ITGB5: variants seen among roughly 807,000 people sequenced by gnomAD.
ITGB5 encodes the protein integrin subunit beta 5, also known as integrin beta-5.
A neutral mutation model predicts 84.8 loss-of-function variants in ITGB5; 38 were observed. The ratio of observed to expected loss-of-function variants is 0.45; its 90% CI spans 0.35 to 0.59. The LOEUF (loss-of-function observed/expected upper bound fraction) is 0.59, where lower values mean the gene tolerates loss of function less well. Ranked by LOEUF, ITGB5 falls within the 20% of genes least tolerant of loss-of-function variation. ITGB5 has a pLI of 0.01. For synonymous variants in ITGB5, 393 were observed against 414.4 expected (o/e 0.95, Z 0.63); for missense variants, 905 against 1,034.5 (o/e 0.87, Z 1.72).
intron 9 of ITGB5, 143 bp from the exon 10 acceptor site, chr3:124,796,960 G>A: frequency 5.4e-6 from 4 of 734,700 alleles, no homozygotes; most frequent in East Asian, 2.7e-5. Context: ...GATGGCCGGA[G>A]TAGGAAGAGA....
chr3:124,869,678 G>C (rs1261989732), intron 2 of ITGB5, among the ~76,000 whole-genome samples: 1 of 152,232 alleles, frequency 6.6e-6, no homozygotes, highest in African/African-American at 2.4e-5. Context: ...AAGATGGGAA[G>C]CTGCATTCCA....
intron 6 of ITGB5, 124 bp downstream of exon 6, chr3:124,821,189 G>C (rs2064695967): frequency 9.4e-7 from 1 of 1,058,242 alleles, no homozygotes; most frequent in Non-Finnish European, 1.4e-6. Context: ...ACCCCAAGAA[G>C]GGATCAGAAA....
chr3:124,769,295 T>G (rs1381767084), intron 11 of ITGB5, 182 bp from the exon 12 acceptor site: 7 of 574,464 alleles, frequency 1.2e-5, no homozygotes, highest in Non-Finnish European at 2.2e-5. Flanking sequence ...GCCCAAGGGT[T>G]CTTGGAGGAG....
At chr3:124,889,809 T>C (rs79606234), upstream of ITGB5, among the ~76,000 whole-genome samples, 3,538 of 152,222 alleles carry the variant, frequency 0.023, 57 homozygotes, top group Non-Finnish European at 0.034. Flanking sequence ...AGGCCAAAGT[T>C]CGAGATGAGC....
At chr3:124,809,285 T>C in intron 8 of ITGB5, 129 bp from the exon 9 acceptor site, 1 of 945,604 alleles carries the variant, frequency 1.1e-6, no homozygotes, top group Non-Finnish European at 1.6e-6. Flanking sequence ...GAAGAGCCAG[T>C]GAGCTTGGTT....
At chr3:124,787,995 C>T (rs2064106520) in intron 10 of ITGB5, among the ~76,000 whole-genome samples, 1 of 151,338 alleles carries the variant, frequency 6.6e-6, no homozygotes, top group Admixed American at 6.6e-5. Flanking sequence ...GCAACCTCCA[C>T]CTTCTGGGCT....
chr3:124,781,112 T>C lies in ITGB5; in HGVS notation c.1694-7200A>G, dbSNP rs17203572. The C allele has an allele frequency of 6.4e-3, 975 of 152,350 alleles. 2 individuals are homozygous for C. The highest frequency in any genetic ancestry group is 9.9e-3 in the Non-Finnish European group (676 of 68,080). The allele number at this position is 152,350 out of a possible 1,614,324, so 9.4% of individuals were successfully genotyped here. A position where few individuals can be genotyped will look rare whatever the true frequency, so the allele number is the denominator to read the frequency against. ...AGATTACAAAGTGCGGAATGCGCAG[T>C]GGCTGGGGAGAGCTCGGTGACAGAC... On this transcript the variant is annotated intron_variant, in intron 10 of 14. Transcript: ENST00000296181.
chr3:124,840,104 G>T (rs188880495), intron 5 of ITGB5, among the ~76,000 whole-genome samples: 4 of 152,328 alleles, frequency 2.6e-5, no homozygotes, highest in African/African-American at 9.6e-5. Context: ...GGATTGAGTG[G>T]AGAGGAAACA....
intron 13 of ITGB5, among the ~76,000 whole-genome samples, chr3:124,764,923 T>C (rs1306416827): frequency 3.3e-5 from 5 of 151,602 alleles, no homozygotes; most frequent in Non-Finnish European, 7.4e-5. Context: ...GGAGGTACCA[T>C]GAAGCCACAT....
In ITGB5 at chr3:124,771,748, C is replaced by CAAAA. The variant is rs59189728; in HGVS notation, c.1916+1938_1916+1941dup. 3.0e-4 allele frequency among the ~76,000 whole-genome samples: 21 copies of CAAAA among 69,178 alleles called. 1 individual carries two copies. The highest frequency in any genetic ancestry group is 1.3e-3 in the East Asian group (3 of 2,230). 45.4% of individuals were successfully genotyped at this position (69,178 alleles called of 152,430 possible). A position where few individuals can be genotyped will look rare whatever the true frequency, so the allele number is the denominator to read the frequency against. On this transcript the variant is annotated intron_variant, in intron 11 of 14. Transcript: ENST00000296181. ...GGGTGGCGGGAGTGAGACCCTGTCTCAAAAAAAAAAAAAAAAAAAGGAATC... is the reference window on the plus strand; with the variant it reads ...GGGTGGCGGGAGTGAGACCCTGTCTCAAAAAAAAAAAAAAAAAAAAAAAGGAATC...
intron 3 of ITGB5, among the ~76,000 whole-genome samples, chr3:124,851,183 A>G (rs1579294458): frequency 6.6e-6 from 1 of 152,238 alleles, no homozygotes; most frequent in East Asian, 1.9e-4. Flanking sequence ...GCTTGGAAGC[A>G]GGAAAGCTGG....
chr3:124,870,556 G>A (rs528574419), intron 2 of ITGB5, among the ~76,000 whole-genome samples: 4 of 152,192 alleles, frequency 2.6e-5, no homozygotes, highest in South Asian at 2.1e-4. Flanking sequence ...GTGAAACCCC[G>A]TCTCTACTAA....
At chr3:124,799,833 G>A (rs1293530688) in intron 9 of ITGB5, among the ~76,000 whole-genome samples, 2 of 152,166 alleles carry the variant, frequency 1.3e-5, no homozygotes, top group Non-Finnish European at 2.9e-5. Flanking sequence ...CTACCTCATC[G>A]GGGTGCGCAG....
intron 5 of ITGB5, among the ~76,000 whole-genome samples, chr3:124,837,879 C>A (rs910153119): frequency 2.6e-5 from 4 of 152,182 alleles, no homozygotes; most frequent in African/African-American, 9.7e-5. Context: ...TGCAGCGCTG[C>A]CGGGGAATTG....
At chr3:124,848,662 G>A (rs2065110823) in intron 3 of ITGB5, 104 bp from the exon 4 acceptor site, 2 of 1,248,704 alleles carry the variant, frequency 1.6e-6, no homozygotes, top group Non-Finnish European at 2.2e-6. Context: ...CTTTTCTTTA[G>A]TGATTGTGTG....
At chr3:124,854,807 T>C (rs1436469322) in intron 3 of ITGB5, among the ~76,000 whole-genome samples, 2 of 152,198 alleles carry the variant, frequency 1.3e-5, no homozygotes, top group African/African-American at 4.8e-5. Flanking sequence ...CTGCTTAAAG[T>C]AGACAGAAAT....
chr3:124,835,166 C>T (rs184196782), intron 5 of ITGB5, among the ~76,000 whole-genome samples: 27 of 152,156 alleles, frequency 1.8e-4, no homozygotes, highest in Admixed American at 1.6e-3. Context: ...AACTCTCCCA[C>T]GTGCCCTGTT....
At chr3:124,766,953 G>A (rs3772816) in intron 12 of ITGB5, among the ~76,000 whole-genome samples, 24,991 of 152,146 alleles carry the variant, frequency 0.16, 2,256 homozygotes, top group Admixed American at 0.25. Context: ...AACGTGGCCC[G>A]GCCTCCCTCC....
chr3:124,831,765 C>T (rs148693099), intron 5 of ITGB5, among the ~76,000 whole-genome samples: 90 of 152,252 alleles, frequency 5.9e-4, no homozygotes, highest in Non-Finnish European at 1.0e-3. Flanking sequence ...CTGTTATCAA[C>T]GCAGCCCAGG....
Sources: gnomAD v4.1 joint callset for allele counts (sites outside exome capture counted in the v4.1 genomes callset) on GRCh38, gnomAD v4.1.1 for gene constraint, MANE v1.5 for transcripts, NCBI Gene and HGNC (gene_info 2026-07-23, HGNC 2026-07-21) for gene names.